LIG1: variants seen among roughly 807,000 people sequenced by gnomAD.
The protein encoded by LIG1 is DNA ligase 1, also known as ligase I, DNA, ATP-dependent.
In LIG1, 70 loss-of-function variants were observed where a neutral mutation model predicts 115.7. That is an observed-to-expected ratio of 0.60 (90% CI 0.50 to 0.74). LIG1 has a LOEUF of 0.74. LIG1 is among the 30% of genes least tolerant of loss of function. The probability of loss-of-function intolerance (pLI) is 0.00; values close to 1 mark genes in which losing one functional copy is unlikely to be tolerated. For missense variants in LIG1, 1,115 were observed against 1,225.6 expected (o/e 0.91, Z 1.35); for synonymous variants, 487 against 495.3 (o/e 0.98, Z 0.22).
At chr19:48,134,454 T>C (rs963935062) in intron 16 of LIG1, among the ~76,000 whole-genome samples, 1 of 152,170 alleles carries the variant, frequency 6.6e-6, no homozygotes, top group Non-Finnish European at 1.5e-5. Flanking sequence ...GCCCAGGAGT[T>C]CAAGACCAGC....
chr19:48,120,817 A>G, intron 24 of LIG1: 2 of 621,434 alleles, frequency 3.2e-6, no homozygotes, highest in Non-Finnish European at 2.1e-6. Context: ...TGTGGGGACA[A>G]AAAAAAATGT....
At chr19:48,162,731 TC>T (rs2036256931) in intron 2 of LIG1, among the ~76,000 whole-genome samples, 1 of 151,116 alleles carries the variant, frequency 6.6e-6, no homozygotes, top group Non-Finnish European at 1.5e-5. Context: ...CCCGGCCGCA[TC>T]CTATAACTTC....
chr19:48,126,404 G>A (rs1189042343), intron 21 of LIG1, among the ~76,000 whole-genome samples: 3 of 151,888 alleles, frequency 2.0e-5, no homozygotes, highest in East Asian at 1.9e-4. Context: ...TCAAGAGTTC[G>A]AGACCAGCCT....
At chr19:48,140,469 T>G (rs1476268593) in intron 11 of LIG1, among the ~76,000 whole-genome samples, 3 of 152,214 alleles carry the variant, frequency 2.0e-5, no homozygotes, top group Non-Finnish European at 4.4e-5. Context: ...AGGAATTTGG[T>G]TCGTGGCTTG....
intron 19 of LIG1, among the ~76,000 whole-genome samples, chr19:48,129,055 T>A (rs2033855295): frequency 6.8e-6 from 1 of 146,042 alleles, no homozygotes; most frequent in Non-Finnish European, 1.5e-5. Context: ...CCACCACGCC[T>A]GGCCTCTTTT....
intron 19 of LIG1, among the ~76,000 whole-genome samples, chr19:48,129,305 C>T (rs2122504806): frequency 6.6e-6 from 1 of 152,348 alleles, no homozygotes; most frequent in Middle Eastern, 3.4e-3. Context: ...CCCGCCTTGC[C>T]CTCCCAAAGT....
chr19:48,161,786 G>A (rs2036190968), intron 3 of LIG1, among the ~76,000 whole-genome samples: 1 of 150,092 alleles, frequency 6.7e-6, no homozygotes, highest in Non-Finnish European at 1.5e-5. Flanking sequence ...TGGAGTCCCT[G>A]CCTAAGGTTG....
At chr19:48,164,425 G>A (rs552710297) in intron 2 of LIG1, among the ~76,000 whole-genome samples, 24 of 152,260 alleles carry the variant, frequency 1.6e-4, no homozygotes, top group African/African-American at 5.8e-4. Flanking sequence ...TTCCTCTTGG[G>A]ATGCTTCTTA....
chr19:48,145,551 C>T (rs915529455), intron 9 of LIG1, among the ~76,000 whole-genome samples: 1 of 152,114 alleles, frequency 6.6e-6, no homozygotes, highest in African/African-American at 2.4e-5. Context: ...GATTCTGATG[C>T]TCACACAGGG....
intron 6 of LIG1, among the ~76,000 whole-genome samples, chr19:48,151,751 C>G (rs2035490315): frequency 6.6e-6 from 1 of 152,072 alleles, no homozygotes; most frequent in Admixed American, 6.6e-5. Context: ...AGCAGTGGGC[C>G]ACGTAAGACC....
At chr19:48,127,380 C>T (rs1350211348) in intron 20 of LIG1, 32 bp from the exon 21 acceptor site, 6 of 1,595,244 alleles carry the variant, frequency 3.8e-6, no homozygotes, top group Non-Finnish European at 4.3e-6. Context: ...TTCGTGAGTG[C>T]AGGAAGGTGA....
At chr19:48,126,488 C>T (rs1424785016) in intron 21 of LIG1, among the ~76,000 whole-genome samples, 1 of 151,886 alleles carries the variant, frequency 6.6e-6, no homozygotes, top group Non-Finnish European at 1.5e-5. Context: ...CATCTGTAAT[C>T]CCAGCTACTT....
chr19:48,170,309 C>G lies in LIG1; in HGVS notation c.-126G>C, dbSNP rs1185974209. 2 of 450,430 alleles carry G rather than the reference C, an allele frequency of 4.4e-6. No individual in the cohort carries two copies. Among genetic ancestry groups the G allele is most frequent in the African/African-American group, 2.0e-5 (1 of 49,060 alleles). The allele number at this position is 450,430 out of a possible 1,614,324, so 27.9% of individuals were successfully genotyped here. On this transcript the variant is annotated 5_prime_UTR_variant, in exon 1 of 28. Transcript: ENST00000263274. ...ATCCGCCAGGCGCGCCTCTGCAGTC[C>G]CAAGTTCGCGCCACGGCATTCGCGC...
At chr19:48,162,392 G>T in intron 2 of LIG1, 41 bp from the exon 3 acceptor site, 2 of 1,325,432 alleles carry the variant, frequency 1.5e-6, no homozygotes, top group South Asian at 1.2e-5. Context: ...GAGAATAACA[G>T]CACCAATACC....
In LIG1 at chr19:48,139,234, G is replaced by A. The variant is rs3730953; in HGVS notation, c.1087+737C>T. Among the ~76,000 whole-genome samples the A allele has an allele frequency of 6.5e-3, 997 of 152,270 alleles. 12 individuals are homozygous for A. Among genetic ancestry groups the A allele is most frequent in the African/African-American group, 0.022 (919 of 41,556 alleles). On this transcript the variant is annotated intron_variant, in intron 12 of 27. Coordinates refer to ENST00000263274, the MANE Select transcript of LIG1 (RefSeq NM_000234.3). ...TAGAGGTTGCTCATGCCTGCCCCAC[G>A]CTGGGGTGATTAATGCCCCCTGCAG... is the stretch of plus-strand genomic sequence containing the variant.
At chr19:48,133,128 A>T (rs375991123) in intron 17 of LIG1, 31 bp from the exon 18 acceptor site, 13 of 1,410,816 alleles carry the variant, frequency 9.2e-6, no homozygotes, top group East Asian at 9.1e-5. Flanking sequence ...GTTAGAGGAG[A>T]GGGAAGGCAA....
intron 2 of LIG1, among the ~76,000 whole-genome samples, chr19:48,164,833 TG>T (rs1411225757): frequency 6.6e-6 from 1 of 152,180 alleles, no homozygotes; most frequent in Non-Finnish European, 1.5e-5. Context: ...ACTATTGACA[TG>T]TTGGGCCTGA....
chr19:48,146,733 T>C (rs1267771352), intron 9 of LIG1, among the ~76,000 whole-genome samples: 2 of 152,228 alleles, frequency 1.3e-5, no homozygotes, highest in South Asian at 2.1e-4. Flanking sequence ...CAGAACTTTA[T>C]ATACAGTAGG....
intron 19 of LIG1, among the ~76,000 whole-genome samples, chr19:48,129,786 C>T (rs2033899740): frequency 6.6e-6 from 1 of 152,162 alleles, no homozygotes; most frequent in Non-Finnish European, 1.5e-5. Flanking sequence ...GAGATGGAGT[C>T]TTACTGTCAC....
Sources: gnomAD v4.1 joint callset for allele counts (sites outside exome capture counted in the v4.1 genomes callset) on GRCh38, gnomAD v4.1.1 for gene constraint, MANE v1.5 for transcripts, NCBI Gene and HGNC (gene_info 2026-07-23, HGNC 2026-07-21) for gene names.